Variants in CSMD1 observed in about 807,000 individuals in gnomAD.
The protein encoded by CSMD1 is CUB and Sushi multiple domains 1.
A neutral mutation model predicts 417.5 loss-of-function variants in CSMD1; 213 were observed. The observed-to-expected ratio is 0.51, with a 90% CI of 0.46 to 0.57. The LOEUF (loss-of-function observed/expected upper bound fraction) is 0.57. Ranked by LOEUF, CSMD1 falls within the 20% of genes least tolerant of loss-of-function variation. The probability of loss-of-function intolerance (pLI) is 0.00; values close to 1 mark genes in which losing one functional copy is unlikely to be tolerated. For synonymous variants in CSMD1, 2,862 were observed against 1,736.8 expected (o/e 1.65, Z -16.11); for missense variants, 6,923 against 4,529.7 (o/e 1.53, Z -15.17).
chr8:3,944,251 C>A (rs373496697), intron 5 of CSMD1, among the ~76,000 whole-genome samples: 1 of 152,086 alleles, frequency 6.6e-6, no homozygotes, highest in African/African-American at 2.4e-5. Flanking sequence ...TAAAAGGTGT[C>A]TCCTTCAAAG....
At chr8:3,733,283 T>C (rs1469417716) in intron 6 of CSMD1, among the ~76,000 whole-genome samples, 2 of 64,394 alleles carry the variant, frequency 3.1e-5, no homozygotes, top group African/African-American at 4.5e-5. Flanking sequence ...TATATATGCA[T>C]AAATATACAT....
intron 8 of CSMD1, among the ~76,000 whole-genome samples, chr8:3,586,756 C>G (rs1221541418): frequency 6.6e-6 from 1 of 152,134 alleles, no homozygotes; most frequent in Non-Finnish European, 1.5e-5. Context: ...AGTGATATTT[C>G]AGAAATTCTT....
chr8:3,522,317 G>A (rs548035028), intron 10 of CSMD1, among the ~76,000 whole-genome samples: 2 of 152,248 alleles, frequency 1.3e-5, no homozygotes, highest in East Asian at 1.9e-4. Flanking sequence ...AAAGAGGAGA[G>A]GAAATTGTAA....
At chr8:3,631,416 C>G (rs993565676) in intron 7 of CSMD1, among the ~76,000 whole-genome samples, 1 of 152,152 alleles carries the variant, frequency 6.6e-6, no homozygotes, top group African/African-American at 2.4e-5. Flanking sequence ...CAGCCCGTGG[C>G]TGAGCCTGGA....
intron 5 of CSMD1, among the ~76,000 whole-genome samples, chr8:3,838,041 T>C (rs1802821713): frequency 1.3e-5 from 2 of 152,114 alleles, no homozygotes; most frequent in South Asian, 2.1e-4. Context: ...TATGTATGTA[T>C]TGATTAGTGT....
At chr8:4,641,714 C>G (rs926751079) in intron 1 of CSMD1, among the ~76,000 whole-genome samples, 1 of 152,146 alleles carries the variant, frequency 6.6e-6, no homozygotes, top group South Asian at 2.1e-4. Context: ...GTATGGTGAT[C>G]GAGTCATAAC....
At chr8:3,689,700 G>C (rs1003776856) in intron 7 of CSMD1, among the ~76,000 whole-genome samples, 1 of 146,266 alleles carries the variant, frequency 6.8e-6, no homozygotes, top group African/African-American at 2.4e-5. Flanking sequence ...AATCCTATGA[G>C]TAAAGTACTA....
At chr8:3,992,610 C>T (rs190053326) in intron 5 of CSMD1, among the ~76,000 whole-genome samples, 74 of 152,208 alleles carry the variant, frequency 4.9e-4, no homozygotes, top group African/African-American at 1.7e-3. Flanking sequence ...ACAGTACGTC[C>T]GTGTGTCTAC....
At chr8:4,393,595 A>G (rs1004713650) in intron 3 of CSMD1, among the ~76,000 whole-genome samples, 2 of 152,126 alleles carry the variant, frequency 1.3e-5, no homozygotes, top group Non-Finnish European at 1.5e-5. Flanking sequence ...GTTTCCAATT[A>G]ATGAGTTTGG....
chr8:4,457,792 C>T (rs756967075), intron 2 of CSMD1, among the ~76,000 whole-genome samples: 4 of 152,154 alleles, frequency 2.6e-5, no homozygotes, highest in Non-Finnish European at 4.4e-5. Flanking sequence ...CCAAGTCCCT[C>T]TTAGCTGGCT....
chr8:4,843,289 C>G (rs921289865), intron 1 of CSMD1, among the ~76,000 whole-genome samples: 94 of 152,282 alleles, frequency 6.2e-4, no homozygotes, highest in African/African-American at 2.2e-3. Flanking sequence ...TGGCCCAGTA[C>G]TTGTACCAGT....
intron 12 of CSMD1, among the ~76,000 whole-genome samples, chr8:3,439,353 G>T (rs35695285): frequency 2.4e-5 from 3 of 125,378 alleles, no homozygotes; most frequent in Non-Finnish European, 4.9e-5. Flanking sequence ...CATTTTGATA[G>T]CTGTGTATAA....
At chr8:3,465,101 C>T (rs937784098) in intron 12 of CSMD1, among the ~76,000 whole-genome samples, 5 of 152,016 alleles carry the variant, frequency 3.3e-5, no homozygotes, top group African/African-American at 7.2e-5. Flanking sequence ...CTAGCAAGAG[C>T]GTTTGTTTCT....
intron 4 of CSMD1, among the ~76,000 whole-genome samples, chr8:4,029,520 G>A (rs537837169): frequency 6.6e-6 from 1 of 152,084 alleles, no homozygotes; most frequent in Non-Finnish European, 1.5e-5. Context: ...ACTATCACAA[G>A]AACAGCGCAG....
At chr8:3,477,637 G>A (rs974746572) in intron 11 of CSMD1, among the ~76,000 whole-genome samples, 1 of 152,180 alleles carries the variant, frequency 6.6e-6, no homozygotes, top group Non-Finnish European at 1.5e-5. Context: ...ATTGGCAGCT[G>A]CAAAGCAGCC....
At chr8:4,271,768 G>C (rs1248430033) in intron 3 of CSMD1, among the ~76,000 whole-genome samples, 1 of 152,038 alleles carries the variant, frequency 6.6e-6, no homozygotes, top group Admixed American at 6.6e-5. Context: ...AACAAAAATG[G>C]ATGCAGCTTC....
intron 1 of CSMD1, among the ~76,000 whole-genome samples, chr8:4,910,359 C>T (rs1805579337): frequency 6.6e-6 from 1 of 152,084 alleles, no homozygotes; most frequent in South Asian, 2.1e-4. Context: ...ATTTTGGCTG[C>T]TATAAAAAAT....
At chr8:3,679,900 T>TACTTGGAAACTGAACA (rs1381464263) in intron 7 of CSMD1, among the ~76,000 whole-genome samples, 2 of 152,058 alleles carry the variant, frequency 1.3e-5, no homozygotes, top group African/African-American at 4.8e-5. Context: ...ACCACACAAC[T>TACTTGGAAACTGAACA]ACTTGGAAAC....
At chr8:4,416,895 T>C (rs1796972157) in intron 3 of CSMD1, among the ~76,000 whole-genome samples, 1 of 152,092 alleles carries the variant, frequency 6.6e-6, no homozygotes, top group Non-Finnish European at 1.5e-5. Flanking sequence ...ACTTCAAAAC[T>C]GGGCATATCT....
Sources: gnomAD v4.1 joint callset for allele counts (sites outside exome capture counted in the v4.1 genomes callset) on GRCh38, gnomAD v4.1.1 for gene constraint, MANE v1.5 for transcripts, NCBI Gene and HGNC (gene_info 2026-07-23, HGNC 2026-07-21) for gene names.